EPHA3: variants seen among roughly 807,000 people sequenced by gnomAD.
The protein encoded by EPHA3 is EPH receptor A3.
In EPHA3, 42 loss-of-function variants were observed where a neutral mutation model predicts 107.1. That is an observed-to-expected ratio of 0.39 (90% CI 0.31 to 0.51). EPHA3 has a LOEUF of 0.51. Ranked by LOEUF, EPHA3 falls within the 20% of genes least tolerant of loss-of-function variation. The probability of loss-of-function intolerance (pLI) is 0.78; values close to 1 mark genes in which losing one functional copy is unlikely to be tolerated. For missense variants in EPHA3, 1,183 were observed against 1,211.2 expected (o/e 0.98, Z 0.35); for synonymous variants, 461 against 424.8 (o/e 1.09, Z -1.05).
chr3:89,392,449 A>C (rs573738886), intron 5 of EPHA3, among the ~76,000 whole-genome samples: 6 of 151,796 alleles, frequency 4.0e-5, no homozygotes, highest in African/African-American at 1.5e-4. Context: ...AAAAAAAAAA[A>C]CCTAGGCTAT....
intron 2 of EPHA3, among the ~76,000 whole-genome samples, chr3:89,170,279 T>C (rs1266755333): frequency 6.6e-6 from 1 of 151,546 alleles, no homozygotes. Flanking sequence ...AAAGAGATTA[T>C]AGCCTCAGAA....
rs144174647 is a variant in EPHA3, at chr3:89,364,988, C to T, written c.1306+22898C>T. On this transcript the variant is annotated intron_variant, in intron 5 of 16. Coordinates refer to ENST00000336596, the MANE Select transcript of EPHA3 (RefSeq NM_005233.6). ...GTTGCATACTGTTATGTGACCAACACTGTGCTGTATGTTGTGGTGAGAGAT... is the reference window on the plus strand; with the variant it reads ...GTTGCATACTGTTATGTGACCAACATTGTGCTGTATGTTGTGGTGAGAGAT... Among the ~76,000 whole-genome samples the T allele has an allele frequency of 3.4e-4, 52 of 151,070 alleles. 4 individuals carry two copies. Among genetic ancestry groups the T allele is most frequent in the Non-Finnish European group, 5.6e-4 (38 of 67,396 alleles).
chr3:89,445,227 C>CACCA (rs1709857623), intron 13 of EPHA3, among the ~76,000 whole-genome samples: 1 of 152,112 alleles, frequency 6.6e-6, no homozygotes, highest in African/African-American at 2.4e-5. Context: ...GAACGCACTG[C>CACCA]ACCACCGCAT....
At chr3:89,183,662 A>T (rs139716554) in intron 2 of EPHA3, among the ~76,000 whole-genome samples, 136 of 152,098 alleles carry the variant, frequency 8.9e-4, no homozygotes, top group African/African-American at 2.8e-3. Flanking sequence ...GATGCATTCT[A>T]AGCCTTTTCT....
chr3:89,178,766 T>C (rs1705373594), intron 2 of EPHA3, among the ~76,000 whole-genome samples: 1 of 151,918 alleles, frequency 6.6e-6, no homozygotes, highest in Non-Finnish European at 1.5e-5. Flanking sequence ...TTCTATTTGT[T>C]GAGCCACAGA....
At chr3:89,149,091 T>C (rs1704634062) in intron 2 of EPHA3, among the ~76,000 whole-genome samples, 1 of 152,006 alleles carries the variant, frequency 6.6e-6, no homozygotes, top group African/African-American at 2.4e-5. Flanking sequence ...GGTTTTTCCA[T>C]TGAAACAGAA....
chr3:89,272,075 A>G (rs1437351984), intron 3 of EPHA3, among the ~76,000 whole-genome samples: 1 of 152,004 alleles, frequency 6.6e-6, no homozygotes, highest in East Asian at 1.9e-4. Context: ...ATAGTATATA[A>G]TACCTATAAC....
intron 5 of EPHA3, among the ~76,000 whole-genome samples, chr3:89,383,533 C>G (rs7615949): frequency 0.26 from 39,091 of 151,746 alleles, 5,249 homozygotes; most frequent in African/African-American, 0.28. Context: ...CTGTTCTAGC[C>G]CTGAATGACC....
intron 13 of EPHA3, among the ~76,000 whole-genome samples, chr3:89,448,813 T>C (rs1215241502): frequency 6.6e-6 from 1 of 152,170 alleles, no homozygotes; most frequent in Non-Finnish European, 1.5e-5. Flanking sequence ...ATTCACATTC[T>C]GAACTTCGAT....
intron 2 of EPHA3, among the ~76,000 whole-genome samples, chr3:89,185,757 G>T (rs1026258573): frequency 4.0e-5 from 6 of 151,862 alleles, no homozygotes; most frequent in African/African-American, 1.2e-4. Context: ...TCACATATTC[G>T]CATTTACACA....
chr3:89,448,953 A>G (rs1177497070), intron 13 of EPHA3, among the ~76,000 whole-genome samples: 1 of 152,008 alleles, frequency 6.6e-6, no homozygotes, highest in African/African-American at 2.4e-5. Context: ...AACCTGCCAT[A>G]GTTGATATAA....
chr3:89,354,205 C>T (rs1443711367), intron 5 of EPHA3, among the ~76,000 whole-genome samples: 1 of 151,010 alleles, frequency 6.6e-6, no homozygotes, highest in African/African-American at 2.4e-5. Context: ...GTTCTACCTC[C>T]CTAAAGTTAA....
At chr3:89,363,537 C>A (rs1411205235) in intron 5 of EPHA3, among the ~76,000 whole-genome samples, 1 of 150,762 alleles carries the variant, frequency 6.6e-6, no homozygotes, top group Non-Finnish European at 1.5e-5. Flanking sequence ...CTGCTTTACT[C>A]AAAAGTGTGC....
chr3:89,358,604 G>C (rs981667129), intron 5 of EPHA3, among the ~76,000 whole-genome samples: 4 of 151,162 alleles, frequency 2.6e-5, no homozygotes, highest in African/African-American at 9.7e-5. Flanking sequence ...GACAGGCAAA[G>C]CCAGCTGCCA....
chr3:89,167,977 A>T (rs896185339), intron 2 of EPHA3, among the ~76,000 whole-genome samples: 5 of 152,108 alleles, frequency 3.3e-5, no homozygotes, highest in African/African-American at 1.2e-4. Context: ...TTTAAACAAA[A>T]TTATGATTAG....
chr3:89,215,877 TA>T (rs1704210830), intron 3 of EPHA3, among the ~76,000 whole-genome samples: 1 of 151,914 alleles, frequency 6.6e-6, no homozygotes, highest in South Asian at 2.1e-4. Flanking sequence ...AATCCCAACC[TA>T]AAAGATGATT....
chr3:89,378,237 T>C (rs538884400), intron 5 of EPHA3, among the ~76,000 whole-genome samples: 13 of 152,304 alleles, frequency 8.5e-5, no homozygotes, highest in African/African-American at 2.9e-4. Flanking sequence ...GTTCTACACA[T>C]GTATCCTAGA....
intron 5 of EPHA3, among the ~76,000 whole-genome samples, chr3:89,361,608 TTAGTC>T (rs1708092314): frequency 6.6e-6 from 1 of 151,166 alleles, no homozygotes; most frequent in Admixed American, 6.6e-5. Flanking sequence ...GTTTCACAGT[TTAGTC>T]TAGGGAATAC....
chr3:89,219,377 G>C (rs1704293474), intron 3 of EPHA3, among the ~76,000 whole-genome samples: 2 of 151,926 alleles, frequency 1.3e-5, no homozygotes, highest in South Asian at 4.1e-4. Context: ...TGGTCAGGCT[G>C]GTCTCAAACT....
Sources: allele counts gnomAD v4.1 joint callset (sites outside exome capture counted in the v4.1 genomes callset), GRCh38; gene constraint gnomAD v4.1.1; transcripts MANE v1.5; gene names NCBI Gene and HGNC (gene_info 2026-07-23, HGNC 2026-07-21).